The following LYPD6 variants were observed in gnomAD, a reference collection of about 807,000 sequenced individuals.
The protein encoded by LYPD6 is ly6/PLAUR domain-containing protein 6.
A neutral mutation model predicts 22.7 loss-of-function variants in LYPD6; 15 were observed. The ratio of observed to expected loss-of-function variants is 0.66; its 90% confidence interval spans 0.44 to 1.02. The LOEUF (loss-of-function observed/expected upper bound fraction) is 1.02. Ranked by LOEUF, LYPD6 falls within the 50% of genes least tolerant of loss-of-function variation. LYPD6 has a pLI of 0.00. For missense variants in LYPD6, 189 were observed against 208.4 expected, an observed-to-expected ratio of 0.91 and a Z score of 0.57; for synonymous variants, 72 against 77.5, an observed-to-expected ratio of 0.93 and a Z score of 0.37.
chr2:149,350,945 T>C (rs1343566076), intron 1 of LYPD6, among the ~76,000 whole-genome samples: 1 of 152,198 alleles, frequency 6.6e-6, no homozygotes, highest in East Asian at 1.9e-4. Context: ...CCCCTGCTTA[T>C]TTCCAGGAAC....
chr2:149,383,740 C>G (rs1682119986), intron 1 of LYPD6, among the ~76,000 whole-genome samples: 1 of 152,144 alleles, frequency 6.6e-6, no homozygotes, highest in African/African-American at 2.4e-5. Flanking sequence ...GGTCCATTTG[C>G]TTTTGGATAA....
At chr2:149,467,221 T>G (rs924489951) in intron 3 of LYPD6, among the ~76,000 whole-genome samples, 53 of 152,218 alleles carry the variant, frequency 3.5e-4, no homozygotes, top group Non-Finnish European at 1.8e-4. Flanking sequence ...CATAGGACCC[T>G]GGGCAACCTT....
intron 1 of LYPD6, among the ~76,000 whole-genome samples, chr2:149,338,930 C>T (rs1017013781): frequency 3.9e-5 from 6 of 152,096 alleles, no homozygotes; most frequent in African/African-American, 1.4e-4. Context: ...ATATATGTTA[C>T]AACATGCAAC....
intron 1 of LYPD6, among the ~76,000 whole-genome samples, chr2:149,436,772 A>G (rs1683440009): frequency 6.6e-6 from 1 of 152,134 alleles, no homozygotes; most frequent in Non-Finnish European, 1.5e-5. Flanking sequence ...TAGTAGAGAC[A>G]GGGTTTCACT....
intron 1 of LYPD6, among the ~76,000 whole-genome samples, chr2:149,401,075 G>T (rs1051246959): frequency 6.6e-6 from 1 of 152,204 alleles, no homozygotes; most frequent in Non-Finnish European, 1.5e-5. Context: ...CCAGTGCAAA[G>T]CTTTCTTGGA....
chr2:149,484,467 A>G, the LYPD6 span, among the ~76,000 whole-genome samples: 2 of 152,188 alleles, frequency 1.3e-5, no homozygotes, highest in African/African-American at 2.4e-5. Flanking sequence ...GAGAATAGAG[A>G]GGAGAAAGCT....
intron 1 of LYPD6, among the ~76,000 whole-genome samples, chr2:149,425,496 G>A (rs930795572): frequency 1.3e-5 from 2 of 152,172 alleles, no homozygotes; most frequent in African/African-American, 4.8e-5. Flanking sequence ...TCCATAGGAG[G>A]CTACTCAGTA....
Position 149,340,520 on chromosome 2 carries a change from G to C in LYPD6, c.-72+9798G>C, listed in dbSNP as rs188800066. Among the ~76,000 whole-genome samples the C allele has an allele frequency of 3.3e-3, 508 of 152,168 alleles. 4 individuals are homozygous for C. The highest frequency in any genetic ancestry group is 0.011 in the African/African-American group (459 of 41,514). ...CTGGGCTCTCCTGTAGTGTAATTCT[G>C]CCTCCACCAGTTGCTACCTGTGTGA... On this transcript the variant is annotated intron_variant, in intron 1 of 4. Transcript: ENST00000334166.
intron 1 of LYPD6, among the ~76,000 whole-genome samples, chr2:149,407,749 C>CT (rs1200422927): frequency 2.0e-5 from 3 of 152,238 alleles, no homozygotes; most frequent in African/African-American, 7.2e-5. Context: ...AGTCATCCTC[C>CT]TTCCAGCTTT....
intron 1 of LYPD6, among the ~76,000 whole-genome samples, chr2:149,383,821 GGT>G (rs1235260776): frequency 6.6e-6 from 1 of 152,138 alleles, no homozygotes; most frequent in Non-Finnish European, 1.5e-5. Flanking sequence ...CCCTACATAT[GGT>G]GTGTTTGTTA....
At chr2:149,433,341 C>T (rs1343945972) in intron 1 of LYPD6, among the ~76,000 whole-genome samples, 2 of 152,156 alleles carry the variant, frequency 1.3e-5, no homozygotes, top group African/African-American at 4.8e-5. Context: ...TAATTTCATC[C>T]ACGCTGATCC....
intron 1 of LYPD6, among the ~76,000 whole-genome samples, chr2:149,342,546 C>T (rs1022446248): frequency 4.6e-5 from 7 of 152,116 alleles, no homozygotes; most frequent in African/African-American, 1.7e-4. Flanking sequence ...AGCAAATTTA[C>T]TATGTATAAA....
rs758571903 is a variant in LYPD6 at position 149,468,626 on chromosome 2, A to G, written c.218-19A>G. 6 of 1,608,984 alleles carry G rather than the reference A, an allele frequency of 3.7e-6. No homozygotes were observed. In the African/African-American group the frequency reaches 4.0e-5, roughly 11 times the overall value. ...TTGGTCAACATTTCCCATCTCAAAT[A>G]TATTTTCTCTGTTGACAGAGACCAG... is the stretch of plus-strand genomic sequence containing the variant. On this transcript the variant is annotated intron_variant, in intron 3 of 4. Coordinates refer to ENST00000334166, the MANE Select transcript of LYPD6 (RefSeq NM_194317.5).
At position 149,411,951 on chromosome 2, in the gene LYPD6, G is replaced by A. The variant is rs1192394339; in HGVS notation, c.-71-25687G>A. On this transcript the variant is annotated intron_variant, in intron 1 of 4. Coordinates refer to ENST00000334166, the MANE Select transcript of LYPD6 (RefSeq NM_194317.5). Reference sequence around the variant, plus strand: ...ATTCTTGTTTGCATCTTTTTTTCTCGTAATATAGCATATGGTCTTCTTATT... The same window carrying A: ...ATTCTTGTTTGCATCTTTTTTTCTCATAATATAGCATATGGTCTTCTTATT... Among the ~76,000 whole-genome samples, 8 of 151,986 alleles carry A rather than the reference G, an allele frequency of 5.3e-5. No homozygotes were observed. The East Asian group carries it at 1.3e-3, about 26-fold the overall frequency.
rs1376483873 is a variant in LYPD6, at chr2:149,399,944, C to A, written c.-71-37694C>A. Among the ~76,000 whole-genome samples, 7 of 152,270 alleles carry A rather than the reference C, an allele frequency of 4.6e-5. No individual in the cohort carries two copies. In the East Asian group the frequency reaches 9.7e-4, roughly 21 times the overall value. On this transcript the variant is annotated intron_variant, in intron 1 of 4. Coordinates refer to ENST00000334166, the MANE Select transcript of LYPD6 (RefSeq NM_194317.5). ...ATTTGGATGCTCATTTTAAGAAAAA[C>A]ACAGCATTGGCAAAGCTTTGTTGGA... is the stretch of plus-strand genomic sequence containing the variant.
At position 149,354,104 on chromosome 2, in the gene LYPD6, TG is replaced by T. The variant is rs369376637; in HGVS notation, c.-72+23385del. On this transcript the variant is annotated intron_variant, in intron 1 of 4. Coordinates refer to ENST00000334166, the MANE Select transcript of LYPD6 (RefSeq NM_194317.5). ...GATTCACCTGTCCTTCCTCCCGCATTGGGTTGTACTGGTGGATAAGGCATGA... is the reference window on the plus strand; with the variant it reads ...GATTCACCTGTCCTTCCTCCCGCATTGGTTGTACTGGTGGATAAGGCATGA... 3.2e-4 allele frequency among the ~76,000 whole-genome samples: 48 copies of T among 152,266 alleles called. 2 individuals are homozygous for T. In the East Asian group the frequency reaches 5.0e-3, roughly 16 times the overall value.
At chr2:149,387,504 T>G (rs1682214017) in intron 1 of LYPD6, among the ~76,000 whole-genome samples, 1 of 152,206 alleles carries the variant, frequency 6.6e-6, no homozygotes, top group African/African-American at 2.4e-5. Flanking sequence ...TAAGATTTAC[T>G]TCATGGGAAG....
chr2:149,331,072 G>A (rs192888268), intron 1 of LYPD6, among the ~76,000 whole-genome samples: 2 of 152,286 alleles, frequency 1.3e-5, no homozygotes, highest in East Asian at 3.9e-4. Flanking sequence ...GGCCCAACAT[G>A]CGTCCACCAG....
intron 1 of LYPD6, among the ~76,000 whole-genome samples, chr2:149,404,750 G>T (rs9749694): frequency 0.2 from 30,152 of 151,948 alleles, 3,014 homozygotes; most frequent in Middle Eastern, 0.22. Context: ...AATTTCCCTG[G>T]CCAGAACTTC....
Sources: allele counts gnomAD v4.1 joint callset (sites outside exome capture counted in the v4.1 genomes callset), GRCh38; gene constraint gnomAD v4.1.1; transcripts MANE v1.5; gene names NCBI Gene and HGNC (gene_info 2026-07-23, HGNC 2026-07-21).